Variants in BICD1 observed in about 807,000 individuals in gnomAD.
The protein encoded by BICD1 is BICD cargo adaptor 1, also known as protein bicaudal D homolog 1.
BICD1 carries 35 observed loss-of-function variants against 92.5 expected under a neutral mutation model. The observed-to-expected ratio is 0.38, with a 90% CI of 0.29 to 0.50. BICD1 has a LOEUF of 0.50. BICD1 is among the 20% of genes least tolerant of loss of function. BICD1 has a pLI of 0.93. For synonymous variants in BICD1, 429 were observed against 465.1 expected (o/e 0.92, Z 1.00); for missense variants, 950 against 1,189.8 (o/e 0.80, Z 2.97).
intron 1 of BICD1, among the ~76,000 whole-genome samples, chr12:32,212,928 A>C (rs1252066187): frequency 1.3e-5 from 2 of 152,200 alleles, no homozygotes; most frequent in Non-Finnish European, 2.9e-5. Flanking sequence ...GTTTGAAATA[A>C]CAAAACTTTC....
rs559034981 is a variant in BICD1 at position 32,129,951 on chromosome 12, T to G, written c.213+22407T>G. The stretch of plus-strand genomic sequence containing the variant: ...GGTTTTAGAAATGAAAAAGAACAGT[T>G]TGGAAGAAATAGTGCGATGTGGATG... On this transcript the variant is annotated intron_variant, in intron 1 of 9. Coordinates refer to ENST00000652176, the MANE Select transcript of BICD1 (RefSeq NM_001714.4). Among the ~76,000 whole-genome samples the G allele has an allele frequency of 7.9e-5, 12 of 152,304 alleles. No homozygotes were observed. In the East Asian group the frequency reaches 1.5e-3, roughly 20 times the overall value.
In BICD1 at chr12:32,306,108, C is replaced by T. The variant is rs1948207986; in HGVS notation, c.991C>T (p.Gln331Ter). ...CATTTCAGAAATACAGAAGTTGAAGCAGCAGCTTATGCAGGTAAGAACTTT... is the reference window on the plus strand; with the variant it reads ...CATTTCAGAAATACAGAAGTTGAAGTAGCAGCTTATGCAGGTAAGAACTTT... Reference protein sequence around the residue: ...LNISEIQKLKQQLMQVEREKA... With the variant: ...LNISEIQKLK Residue 331 changes from glutamine to a stop codon, truncating the protein, a stop_gained, in exon 4 of 10, where the codon CAG becomes TAG. Coordinates refer to ENST00000652176, the MANE Select transcript of BICD1 (RefSeq NM_001714.4). LOFTEE classifies it high-confidence loss of function. The T allele has an allele frequency of 6.2e-7, 1 of 1,600,364 alleles. No individual in the cohort carries two copies. Among genetic ancestry groups the T allele is most frequent in the Non-Finnish European group, 8.5e-7 (1 of 1,174,880 alleles).
chr12:32,291,622 G>A (rs1947729503), intron 2 of BICD1, among the ~76,000 whole-genome samples: 1 of 152,060 alleles, frequency 6.6e-6, no homozygotes, highest in Admixed American at 6.6e-5. Context: ...CAGAAGGATT[G>A]CCTTCACGAG....
At chr12:32,346,799 G>A (rs775381868) in intron 8 of BICD1, among the ~76,000 whole-genome samples, 16 of 148,282 alleles carry the variant, frequency 1.1e-4, no homozygotes, top group Non-Finnish European at 2.1e-4. Flanking sequence ...GCCTAATTTC[G>A]CTAAGGGCTA....
intron 1 of BICD1, among the ~76,000 whole-genome samples, chr12:32,138,065 C>T (rs11051813): frequency 6.6e-6 from 1 of 152,134 alleles, no homozygotes; most frequent in African/African-American, 2.4e-5. Flanking sequence ...TCCCAAAGTG[C>T]TGAGATTACA....
At chr12:32,176,694 C>T (rs985769429) in intron 1 of BICD1, among the ~76,000 whole-genome samples, 1 of 152,146 alleles carries the variant, frequency 6.6e-6, no homozygotes, top group African/African-American at 2.4e-5. Context: ...TCTTCTTTCA[C>T]TCATCGTAAG....
At chr12:32,288,217 G>A (rs1348296607) in intron 2 of BICD1, among the ~76,000 whole-genome samples, 1 of 138,308 alleles carries the variant, frequency 7.2e-6, no homozygotes, top group South Asian at 2.2e-4. Context: ...CACCTACCAA[G>A]TCCTAATTTT....
chr12:32,278,594 C>T lies in BICD1; in HGVS notation c.427-15400C>T, dbSNP rs546282357. The stretch of plus-strand genomic sequence containing the variant: ...GCAGCCCGGGCGAGGTGGCTCATGC[C>T]TGTAATCCCAGCACTTTCGGAGGCC... On this transcript the variant is annotated intron_variant, in intron 2 of 9. Transcript: ENST00000652176. Among the ~76,000 whole-genome samples, 8 of 152,372 alleles carry T rather than the reference C, an allele frequency of 5.3e-5. No individual in the cohort carries two copies. The East Asian group carries it at 1.5e-3, about 29-fold the overall frequency.
intron 2 of BICD1, among the ~76,000 whole-genome samples, chr12:32,225,339 G>A (rs1199437661): frequency 6.6e-6 from 1 of 152,080 alleles, no homozygotes; most frequent in East Asian, 1.9e-4. Context: ...ATACATTGTG[G>A]TTGCATTAAT....
intron 8 of BICD1, among the ~76,000 whole-genome samples, chr12:32,344,499 T>C (rs1012246566): frequency 8.5e-5 from 13 of 152,238 alleles, no homozygotes; most frequent in African/African-American, 3.1e-4. Context: ...GGATTAGATG[T>C]GGGTAACATC....
intron 2 of BICD1, among the ~76,000 whole-genome samples, chr12:32,241,267 C>G (rs75065570): frequency 6.6e-6 from 1 of 152,204 alleles, no homozygotes; most frequent in African/African-American, 2.4e-5. Context: ...TCTGTGCAAA[C>G]GCTTTGCAAA....
chr12:32,175,318 T>C (rs1944059344), intron 1 of BICD1, among the ~76,000 whole-genome samples: 1 of 152,162 alleles, frequency 6.6e-6, no homozygotes, highest in Admixed American at 6.5e-5. Context: ...ATACTAAGCT[T>C]TTTTTCTTTT....
intron 2 of BICD1, among the ~76,000 whole-genome samples, chr12:32,229,482 A>C (rs1696943251): frequency 6.6e-6 from 1 of 152,220 alleles, no homozygotes; most frequent in South Asian, 2.1e-4. Flanking sequence ...TGAGAGCCAA[A>C]TAAGAAAATG....
intron 3 of BICD1, among the ~76,000 whole-genome samples, chr12:32,299,488 C>T (rs866425420): frequency 2.9e-4 from 44 of 152,070 alleles, no homozygotes; most frequent in African/African-American, 9.9e-4. Context: ...TTTTCCCAGG[C>T]GGAGAAACAT....
intron 2 of BICD1, among the ~76,000 whole-genome samples, chr12:32,244,555 G>A (rs1946321901): frequency 6.6e-6 from 1 of 151,982 alleles, no homozygotes; most frequent in African/African-American, 2.4e-5. Context: ...GTACACAAGG[G>A]GCATAGCCCA....
chr12:32,277,103 G>A (rs963617068), intron 2 of BICD1, among the ~76,000 whole-genome samples: 2 of 152,096 alleles, frequency 1.3e-5, no homozygotes, highest in African/African-American at 2.4e-5. Context: ...TTTATAAAAC[G>A]GTAACTGTGG....
chr12:32,144,274 T>A (rs1162338470), intron 1 of BICD1, among the ~76,000 whole-genome samples: 1 of 152,236 alleles, frequency 6.6e-6, no homozygotes, highest in East Asian at 1.9e-4. Context: ...TGACCATCTT[T>A]GAATCTACAG....
chr12:32,332,747 C>A, intron 5 of BICD1: 1 of 620,994 alleles, frequency 1.6e-6, no homozygotes, highest in Non-Finnish European at 2.0e-6. Context: ...AGTTGTTTTC[C>A]AGAGGAGGAG....
chr12:32,259,162 C>G (rs1300525920), intron 2 of BICD1, among the ~76,000 whole-genome samples: 1 of 152,132 alleles, frequency 6.6e-6, no homozygotes, highest in African/African-American at 2.4e-5. Flanking sequence ...GACCCTATAC[C>G]CGCCGTTATT....
Sources: allele counts gnomAD v4.1 joint callset (sites outside exome capture counted in the v4.1 genomes callset), GRCh38; gene constraint gnomAD v4.1.1; transcripts MANE v1.5; gene names NCBI Gene and HGNC (gene_info 2026-07-23, HGNC 2026-07-21).